RHOBTB1: variants seen among roughly 807,000 people sequenced by gnomAD.
RHOBTB1 encodes Rho related BTB domain containing 1, also known as rho-related BTB domain-containing protein 1.
A neutral mutation model predicts 71.6 loss-of-function variants in RHOBTB1; 40 were observed. The observed-to-expected ratio is 0.56, with a 90% CI of 0.43 to 0.73. The LOEUF (loss-of-function observed/expected upper bound fraction) is 0.73, where lower values mean the gene tolerates loss of function less well. Ranked by LOEUF, RHOBTB1 falls within the 30% of genes least tolerant of loss-of-function variation. The pLI is 0.00. For synonymous variants in RHOBTB1, 319 were observed against 334.9 expected, an observed-to-expected ratio of 0.95 and a Z score of 0.52; for missense variants, 797 against 894.0, an observed-to-expected ratio of 0.89 and a Z score of 1.38.
chr10:60,984,897 T>C (rs1039486444), intron 2 of RHOBTB1, among the ~76,000 whole-genome samples: 4 of 152,194 alleles, frequency 2.6e-5, no homozygotes, highest in African/African-American at 9.6e-5. Context: ...AGTTCCTACA[T>C]ACATCCAATC....
chr10:60,872,050 T>C, intron 10 of RHOBTB1, 135 bp downstream of exon 10: 1 of 730,684 alleles, frequency 1.4e-6, no homozygotes, highest in Non-Finnish European at 2.5e-6. Context: ...CACATTAATA[T>C]GTGACCACCA....
intron 2 of RHOBTB1, among the ~76,000 whole-genome samples, chr10:60,930,229 TA>T (rs1168968315): frequency 2.0e-5 from 3 of 152,218 alleles, no homozygotes; most frequent in African/African-American, 7.2e-5. Flanking sequence ...AGATACTTGC[TA>T]AGTGATTTTA....
chr10:60,969,606 G>T (rs2086085125), intron 2 of RHOBTB1, among the ~76,000 whole-genome samples: 2 of 151,988 alleles, frequency 1.3e-5, no homozygotes, highest in Non-Finnish European at 2.9e-5. Context: ...GCTCAATTAG[G>T]ATTTTCTATC....
At chr10:60,937,796 T>C (rs1446365472) in intron 2 of RHOBTB1, among the ~76,000 whole-genome samples, 1 of 152,158 alleles carries the variant, frequency 6.6e-6, no homozygotes, top group African/African-American at 2.4e-5. Context: ...CCAGTAAATT[T>C]AGAGACAAAA....
At chr10:60,945,962 G>C (rs2085212868), upstream of RHOBTB1, among the ~76,000 whole-genome samples, 1 of 152,114 alleles carries the variant, frequency 6.6e-6, no homozygotes, top group Non-Finnish European at 1.5e-5. Context: ...CGCGGATCAC[G>C]AGGTCAGGAG....
intron 2 of RHOBTB1, among the ~76,000 whole-genome samples, chr10:60,935,561 G>A (rs147620687): frequency 6.6e-6 from 1 of 152,190 alleles, no homozygotes; most frequent in African/African-American, 2.4e-5. Context: ...GTATTTCAGT[G>A]TAAAGCAAGG....
In RHOBTB1 at chr10:60,871,498, G is replaced by T. The variant is rs979934323; in HGVS notation, c.2075C>A (p.Ser692Tyr). 1 of 1,614,032 alleles carries T rather than the reference G, an allele frequency of 6.2e-7. No individual in the cohort carries two copies. The highest frequency in any genetic ancestry group is 8.5e-7 in the Non-Finnish European group (1 of 1,179,954). The change falls in exon 11 of 11, where the codon TCT becomes TAT. Residue 692 changes from serine to tyrosine, a missense_variant. Physicochemically the swap from Ser to Tyr is moderately radical, Grantham distance 144 (BLOSUM62 -2). This residue lies in a region of RHOBTB1 where 658 missense variants were observed against 681.5 expected (regional missense o/e 0.97). Coordinates refer to ENST00000337910, the MANE Select transcript of RHOBTB1 (RefSeq NM_014836.5). ...SRRKWCFWNS[S>Y]PAVA ...TCTTCCTCTTCAGGCCACTGCTGGA[G>T]ATGAATTCCAGAAGCACCACTTTCG... is the stretch of plus-strand genomic sequence containing the variant.
intron 2 of RHOBTB1, among the ~76,000 whole-genome samples, chr10:60,972,948 G>A (rs545267694): frequency 3.9e-5 from 6 of 151,966 alleles, no homozygotes; most frequent in South Asian, 2.1e-4. Context: ...GTGCAGTGTC[G>A]AAAGCAAGAA....
intron 2 of RHOBTB1, among the ~76,000 whole-genome samples, chr10:60,973,030 C>T (rs993376542): frequency 6.6e-6 from 1 of 151,840 alleles, no homozygotes; most frequent in East Asian, 1.9e-4. Context: ...TTTCTAATGC[C>T]GGGGCAACAA....
At chr10:60,929,351 C>T (rs2084090913) in intron 2 of RHOBTB1, among the ~76,000 whole-genome samples, 1 of 151,926 alleles carries the variant, frequency 6.6e-6, no homozygotes, top group Non-Finnish European at 1.5e-5. Context: ...AGAAAAAGGA[C>T]ATAATAATAC....
chr10:60,910,753 T>C, intron 4 of RHOBTB1, 134 bp downstream of exon 4: 2 of 595,344 alleles, frequency 3.4e-6, no homozygotes, highest in Admixed American at 3.0e-5. Context: ...TCTTTTCCTT[T>C]TCTTAGACAC....
At chr10:60,967,886 A>C (rs887552739) in intron 2 of RHOBTB1, among the ~76,000 whole-genome samples, 1 of 152,140 alleles carries the variant, frequency 6.6e-6, no homozygotes, top group African/African-American at 2.4e-5. Flanking sequence ...TGTTCCACTC[A>C]AAATGTCCCT....
At position 60,888,937 on chromosome 10, in the gene RHOBTB1, T is replaced by C. The variant is rs766595518; in HGVS notation, c.731A>G (p.Lys244Arg). The C allele has an allele frequency of 4.5e-5, 72 of 1,614,058 alleles. No individual in the cohort carries two copies. The Admixed American group carries it at 8.5e-4, about 19-fold the overall frequency. The change falls in exon 6 of 11, where the codon AAA becomes AGA. Residue 244 changes from lysine to arginine, a missense_variant. Lys to Arg is a conservative substitution (Grantham distance 26, BLOSUM62 2). Transcript: ENST00000337910. The part of the protein sequence containing the change: ...LPPKAPPPVI[K>R]IPECPSMGTN... ...CCCCATGGAAGGACACTCTGGAATT[T>C]TGATGACCGGTGGAGGGGCTTTTGG...
chr10:60,862,844 TCTCCCTCC>T, the RHOBTB1 span, among the ~76,000 whole-genome samples: 18 of 117,194 alleles, frequency 1.5e-4, no homozygotes, highest in African/African-American at 4.9e-4. Flanking sequence ...TCCCTCCCTC[TCTCCCTCC>T]CTCCCTCCCT....
chr10:60,920,261 A>G (rs1294213561), intron 2 of RHOBTB1, among the ~76,000 whole-genome samples: 5 of 152,244 alleles, frequency 3.3e-5, no homozygotes, highest in Non-Finnish European at 2.9e-5. Context: ...TCAGGTGGAA[A>G]GAAACAAGTA....
intron 2 of RHOBTB1, among the ~76,000 whole-genome samples, chr10:60,981,166 A>C (rs1366527564): frequency 6.6e-6 from 1 of 152,152 alleles, no homozygotes; most frequent in Non-Finnish European, 1.5e-5. Flanking sequence ...ATGCCATTTG[A>C]AGTTTCTCTG....
chr10:60,994,850 T>A (rs894717029), intron 1 of RHOBTB1, among the ~76,000 whole-genome samples: 6 of 152,020 alleles, frequency 3.9e-5, no homozygotes, highest in African/African-American at 1.5e-4. Context: ...GACACTTTAA[T>A]GCACAAGAAA....
chr10:60,930,929 TG>T (rs1349253201), intron 2 of RHOBTB1, among the ~76,000 whole-genome samples: 1 of 152,132 alleles, frequency 6.6e-6, no homozygotes, highest in Non-Finnish European at 1.5e-5. Context: ...TTAAGGGGGT[TG>T]GGTTGATTTT....
At chr10:60,946,528 A>G (rs1007808486), upstream of RHOBTB1, among the ~76,000 whole-genome samples, 1 of 152,146 alleles carries the variant, frequency 6.6e-6, no homozygotes, top group African/African-American at 2.4e-5. Context: ...TTTACAGACG[A>G]GGTAACAGGC....
Sources: allele counts gnomAD v4.1 joint callset (sites outside exome capture counted in the v4.1 genomes callset), GRCh38; gene constraint gnomAD v4.1.1; regional missense constraint gnomAD v4.1.1; transcripts MANE v1.5; gene names NCBI Gene and HGNC (gene_info 2026-07-23, HGNC 2026-07-21).